Variants in C4orf17 observed in about 807,000 individuals in gnomAD.
C4orf17 encodes uncharacterized protein C4orf17.
Under a neutral mutation model 32.0 loss-of-function variants are expected in C4orf17, and 25 were observed. The observed-to-expected ratio is 0.78, with a 90% CI of 0.57 to 1.09. The LOEUF (loss-of-function observed/expected upper bound fraction) is 1.09. Ranked by LOEUF, C4orf17 falls within the 50% of genes least tolerant of loss-of-function variation. C4orf17 has a pLI of 0.00. For synonymous variants in C4orf17, 149 were observed against 145.8 expected (o/e 1.02, Z -0.16); for missense variants, 420 against 420.0 (o/e 1.00, Z 0.00).
chr4:99,528,135 A>G (rs778082357), intron 4 of C4orf17, among the ~76,000 whole-genome samples: 1 of 152,204 alleles, frequency 6.6e-6, no homozygotes, highest in Non-Finnish European at 1.5e-5. Context: ...TCTTTTAAAA[A>G]TATCTGCTGG....
At chr4:99,531,154 T>G (rs1322442388) in intron 5 of C4orf17, among the ~76,000 whole-genome samples, 2 of 152,048 alleles carry the variant, frequency 1.3e-5, no homozygotes, top group Non-Finnish European at 2.9e-5. Flanking sequence ...TATATATGTA[T>G]GTTCAGACTT....
At chr4:99,518,509 AAAAAAAAAAATATATATATAT>A (rs1304888331) in intron 2 of C4orf17, among the ~76,000 whole-genome samples, 2 of 73,384 alleles carry the variant, frequency 2.7e-5, no homozygotes, top group African/African-American at 1.8e-4. Flanking sequence ...AAAAAAAAAA[AAAAAAAAAAATATATATATAT>A]ATATATATAT....
rs114936528 is a variant in C4orf17, at chr4:99,531,506, G to T, written c.546+1548G>T. 2.4e-4 allele frequency among the ~76,000 whole-genome samples: 37 copies of T among 152,176 alleles called. No homozygotes were observed. The East Asian group carries it at 6.2e-3, about 25-fold the overall frequency. On this transcript the variant is annotated intron_variant, in intron 5 of 8. Transcript: ENST00000326581. ...TGATCCTATAGAGCTGGCTTTCTGG[G>T]CATCTATGAAAGAGCCCTCCTCTCA...
At chr4:99,538,208 C>T (rs970149315) in intron 6 of C4orf17, among the ~76,000 whole-genome samples, 1 of 152,220 alleles carries the variant, frequency 6.6e-6, no homozygotes, top group African/African-American at 2.4e-5. Flanking sequence ...CAGTCATTTC[C>T]TAACCTCTTT....
At chr4:99,515,217 A>T (rs558057773) in intron 2 of C4orf17, among the ~76,000 whole-genome samples, 1 of 152,256 alleles carries the variant, frequency 6.6e-6, no homozygotes, top group South Asian at 2.1e-4. Context: ...TCCAGTAATA[A>T]ATCATTCTGT....
In C4orf17 at chr4:99,530,193, G is replaced by T. The variant is rs537357653; in HGVS notation, c.546+235G>T. ...ATCTTTGATTCAGACGTAATGAAAA[G>T]CTTGGTGTTTATCACACAAACCCAA... On this transcript the variant is annotated intron_variant, in intron 5 of 8. Transcript: ENST00000326581. 2.0e-5 allele frequency among the ~76,000 whole-genome samples: 3 copies of T among 152,170 alleles called. No individual in the cohort carries two copies. The East Asian group carries it at 5.8e-4, about 29-fold the overall frequency.
At chr4:99,527,480 TC>T (rs1340295150) in intron 4 of C4orf17, among the ~76,000 whole-genome samples, 2 of 152,196 alleles carry the variant, frequency 1.3e-5, no homozygotes, top group East Asian at 3.8e-4. Context: ...AGACTATTTT[TC>T]TACAGACCTA....
chr4:99,539,239 C>G lies in C4orf17; in HGVS notation c.705C>G (p.Thr235=). Residue 235 remains threonine, a synonymous_variant, in exon 7 of 9, where the codon ACC becomes ACG. Coordinates refer to ENST00000326581, the MANE Select transcript of C4orf17 (RefSeq NM_032149.3). ...TGTTAACTCATCACAGAAGAAACAC[C>G]TCAATGGAACCAGCAGCAGAGACTG... The part of the protein sequence containing the change: ...INLLTHHRRN[T]SMEPAAETGK... 6.2e-7 allele frequency: 1 copy of G among 1,614,038 alleles called. No individual in the cohort carries two copies. Among genetic ancestry groups the G allele is most frequent in the African/African-American group, 1.3e-5 (1 of 75,018 alleles).
At chr4:99,530,412 A>C (rs948397387) in intron 5 of C4orf17, among the ~76,000 whole-genome samples, 3 of 152,108 alleles carry the variant, frequency 2.0e-5, no homozygotes, top group African/African-American at 7.2e-5. Flanking sequence ...AAACTTAGTT[A>C]TATTAATAGT....
intron 5 of C4orf17, among the ~76,000 whole-genome samples, chr4:99,531,290 C>T (rs187307373): frequency 9.4e-4 from 143 of 152,168 alleles, no homozygotes; most frequent in Admixed American, 3.3e-3. Context: ...GAGTGCTGGA[C>T]ACCTAGTAAT....
intron 5 of C4orf17, among the ~76,000 whole-genome samples, chr4:99,535,254 C>T (rs1723543577): frequency 6.6e-6 from 1 of 152,026 alleles, no homozygotes; most frequent in African/African-American, 2.4e-5. Flanking sequence ...CCAGGGTTCT[C>T]CAGATTTCCT....
intron 2 of C4orf17, among the ~76,000 whole-genome samples, chr4:99,520,129 AC>A (rs1260905029): frequency 7.1e-6 from 1 of 140,572 alleles, no homozygotes; most frequent in Non-Finnish European, 1.5e-5. Context: ...TCGCTCTTTC[AC>A]CCAGGCCGGA....
intron 1 of C4orf17, among the ~76,000 whole-genome samples, chr4:99,511,871 T>C (rs377322767): frequency 6.6e-6 from 1 of 152,312 alleles, no homozygotes; most frequent in East Asian, 1.9e-4. Flanking sequence ...AGATATTTTC[T>C]GCATTTAATG....
intron 1 of C4orf17, among the ~76,000 whole-genome samples, chr4:99,512,322 G>C (rs750424879): frequency 2.2e-4 from 34 of 152,072 alleles, no homozygotes; most frequent in Non-Finnish European, 8.8e-5. Flanking sequence ...TCTTAATCCA[G>C]AAATGTTCTT....
At chr4:99,539,061 T>A in intron 6 of C4orf17, 102 bp from the exon 7 acceptor site, 1 of 1,053,786 alleles carries the variant, frequency 9.5e-7, no homozygotes, top group Admixed American at 2.1e-5. Flanking sequence ...AGAAAATAGA[T>A]GACCAGTCTT....
chr4:99,533,971 A>AT (rs1368380874), intron 5 of C4orf17, among the ~76,000 whole-genome samples: 1 of 151,994 alleles, frequency 6.6e-6, no homozygotes, highest in African/African-American at 2.4e-5. Context: ...ACAAAACACT[A>AT]TTTTTTCCCT....
At chr4:99,540,354 T>C in intron 7 of C4orf17, 58 bp from the exon 8 acceptor site, 1 of 1,249,762 alleles carries the variant, frequency 8.0e-7, no homozygotes, top group Non-Finnish European at 1.2e-6. Context: ...GTGTAGTCTA[T>C]AGAAAATACT....
At position 99,529,975 on chromosome 4, in the gene C4orf17, T is replaced by C; in HGVS notation, c.546+17T>C. On this transcript the variant is annotated intron_variant, in intron 5 of 8. Transcript: ENST00000326581. ...GAAATAAAAGTAAGTATCAGGTTTATCAAATCCATAACTTGGAAACAGCAT... is the reference window on the plus strand; with the variant it reads ...GAAATAAAAGTAAGTATCAGGTTTACCAAATCCATAACTTGGAAACAGCAT... The C allele has an allele frequency of 1.3e-6, 2 of 1,595,368 alleles. No homozygotes were observed. Among genetic ancestry groups the C allele is most frequent in the Non-Finnish European group, 1.7e-6 (2 of 1,172,308 alleles).
At chr4:99,515,153 A>G (rs1723157013) in intron 2 of C4orf17, among the ~76,000 whole-genome samples, 1 of 152,150 alleles carries the variant, frequency 6.6e-6, no homozygotes, top group African/African-American at 2.4e-5. Flanking sequence ...TTCAGCGTAC[A>G]CTGCTTGGGT....
Sources: gnomAD v4.1 joint callset for allele counts (sites outside exome capture counted in the v4.1 genomes callset) on GRCh38, gnomAD v4.1.1 for gene constraint, MANE v1.5 for transcripts, NCBI Gene and HGNC (gene_info 2026-07-23, HGNC 2026-07-21) for gene names.